The following DNAAF9 variants were observed in gnomAD, a reference collection of about 807,000 sequenced individuals.
DNAAF9 encodes dynein axonemal assembly factor 9, also known as shulin.
A neutral mutation model predicts 167.0 loss-of-function variants in DNAAF9; 90 were observed. That is an observed-to-expected ratio of 0.54 (90% CI 0.45 to 0.64). DNAAF9 has a LOEUF of 0.64. Among genes scored for constraint, DNAAF9 ranks in the 30% least tolerant of loss-of-function variants. The pLI is 0.00. For missense variants in DNAAF9, 1,315 were observed against 1,442.2 expected, an observed-to-expected ratio of 0.91 and a Z score of 1.43; for synonymous variants, 491 against 508.8, an observed-to-expected ratio of 0.96 and a Z score of 0.47.
intron 2 of DNAAF9, 93 bp from the exon 3 acceptor site, chr20:3,381,591 C>T: frequency 9.6e-6 from 13 of 1,354,570 alleles, no homozygotes; most frequent in Non-Finnish European, 1.1e-5. Flanking sequence ...CCCTGATGAT[C>T]AAGCTGAAGG....
intron 10 of DNAAF9, among the ~76,000 whole-genome samples, chr20:3,335,957 T>C (rs922447592): frequency 6.6e-6 from 1 of 151,706 alleles, no homozygotes; most frequent in African/African-American, 2.4e-5. Context: ...ACCCTGTCTC[T>C]ACTAAAAATA....
At chr20:3,291,206 TTC>T in intron 25 of DNAAF9, among the ~76,000 whole-genome samples, 1 of 152,170 alleles carries the variant, frequency 6.6e-6, no homozygotes, top group Non-Finnish European at 1.5e-5. Flanking sequence ...TAGGTCCCCT[TTC>T]AGGTAGATAT....
At chr20:3,398,509 TA>T (rs200073051) in intron 1 of DNAAF9, among the ~76,000 whole-genome samples, 8 of 149,272 alleles carry the variant, frequency 5.4e-5, no homozygotes, top group East Asian at 2.0e-4. Context: ...TGAAAAGCAT[TA>T]AAAAAAAAAT....
chr20:3,341,465 C>T (rs1291984327), intron 9 of DNAAF9, among the ~76,000 whole-genome samples: 1 of 152,176 alleles, frequency 6.6e-6, no homozygotes, highest in Non-Finnish European at 1.5e-5. Flanking sequence ...TTGCTGCTCC[C>T]TCCTCTCCTC....
At position 3,266,914 on chromosome 20, in the gene DNAAF9, G is replaced by A. The variant is rs145343073; in HGVS notation, c.2787-2390C>T. Among the ~76,000 whole-genome samples the A allele has an allele frequency of 9.1e-3, 1,343 of 148,066 alleles. 19 individuals carry two copies. The highest frequency in any genetic ancestry group is 0.032 in the African/African-American group (1,289 of 39,900). On this transcript the variant is annotated intron_variant, in intron 30 of 36. Transcript: ENST00000252032. ...GTTGCCTAGGCTAGAGTGCAATGGC[G>A]CAATCTCGGCTCACTGCAAGCTCCG...
At chr20:3,280,565 C>T (rs1311544761) in intron 28 of DNAAF9, among the ~76,000 whole-genome samples, 1 of 135,408 alleles carries the variant, frequency 7.4e-6, no homozygotes, top group Non-Finnish European at 1.6e-5. Context: ...AACTCCATCT[C>T]AAAGAAAAAA....
chr20:3,377,344 T>A (rs539593298), intron 3 of DNAAF9, among the ~76,000 whole-genome samples: 2 of 152,314 alleles, frequency 1.3e-5, no homozygotes, highest in African/African-American at 4.8e-5. Context: ...CATTTAAAAA[T>A]ATGTCAAAGG....
intron 10 of DNAAF9, among the ~76,000 whole-genome samples, chr20:3,335,960 T>C (rs2092040683): frequency 6.6e-6 from 1 of 151,610 alleles, no homozygotes; most frequent in African/African-American, 2.4e-5. Flanking sequence ...CTGTCTCTAC[T>C]AAAAATACAA....
At chr20:3,407,385 G>A (rs1234695223) in intron 1 of DNAAF9, 90 bp downstream of exon 1, 8 of 1,079,742 alleles carry the variant, frequency 7.4e-6, no homozygotes, top group Non-Finnish European at 9.5e-6. Flanking sequence ...AAGCCATGTC[G>A]GACCACGCCC....
chr20:3,329,934 C>T (rs2069790534), intron 12 of DNAAF9, among the ~76,000 whole-genome samples: 1 of 152,172 alleles, frequency 6.6e-6, no homozygotes, highest in Admixed American at 6.5e-5. Flanking sequence ...CACACCCTCT[C>T]ACTATGTTCC....
rs373949409 is a variant in DNAAF9 at position 3,265,339 on chromosome 20, C to T, written c.2787-815G>A. Among the ~76,000 whole-genome samples the T allele has an allele frequency of 5.3e-5, 8 of 151,712 alleles. No homozygotes were observed. In the South Asian group the frequency reaches 6.2e-4, roughly 12 times the overall value. On this transcript the variant is annotated intron_variant, in intron 30 of 36. Coordinates refer to ENST00000252032, the MANE Select transcript of DNAAF9 (RefSeq NM_001009984.3). ...CAGCACTTTGGGAGGCCGAGGCAGGCGGATCACCTGGGGTCAGGAGTTCAA... is the reference window on the plus strand; with the variant it reads ...CAGCACTTTGGGAGGCCGAGGCAGGTGGATCACCTGGGGTCAGGAGTTCAA...
rs1475136192 is a variant in DNAAF9, at chr20:3,395,206, C to T, written c.83+12269G>A. Among the ~76,000 whole-genome samples the T allele has an allele frequency of 2.8e-5, 4 of 140,794 alleles. 1 individual carries two copies. The highest frequency in any genetic ancestry group is 1.4e-4 in the Admixed American group (2 of 14,768). 92.4% of individuals were successfully genotyped at this position (140,794 alleles called of 152,430 possible). A position where few individuals can be genotyped will look rare whatever the true frequency, so the allele number is the denominator to read the frequency against. On this transcript the variant is annotated intron_variant, in intron 1 of 36. Coordinates refer to ENST00000252032, the MANE Select transcript of DNAAF9 (RefSeq NM_001009984.3). ...CAGGATGGTCTCGATCTCCTGACCT[C>T]GTGATCCGCCCGTCTCGGCCTCCCA...
intron 7 of DNAAF9, among the ~76,000 whole-genome samples, chr20:3,356,412 TC>T (rs1382612397): frequency 6.6e-6 from 1 of 152,182 alleles, no homozygotes; most frequent in Non-Finnish European, 1.5e-5. Flanking sequence ...CGAAATGTGT[TC>T]CTGGTAATTT....
rs1236708156 is a variant in DNAAF9, at chr20:3,315,199, C to A, written c.1591-79G>T. The A allele has an allele frequency of 3.3e-6, 3 of 903,842 alleles. No individual in the cohort carries two copies. The South Asian group carries it at 4.0e-5, about 12-fold the overall frequency. 56.0% of individuals were successfully genotyped at this position (903,842 alleles called of 1,614,324 possible). On this transcript the variant is annotated intron_variant, in intron 19 of 36. Coordinates refer to ENST00000252032, the MANE Select transcript of DNAAF9 (RefSeq NM_001009984.3). This position sits in a 1 kb window ranked among gnomAD's most constrained non-coding sequence, Gnocchi z 4.1. ...CATAAATATTCACAGAATCAAAAGT[C>A]CTGCCCAATTATGTCCGTCTACAAA... is the stretch of plus-strand genomic sequence containing the variant.
intron 28 of DNAAF9, among the ~76,000 whole-genome samples, chr20:3,279,712 TC>T (rs2068734186): frequency 6.6e-6 from 1 of 152,160 alleles, no homozygotes; most frequent in African/African-American, 2.4e-5. Flanking sequence ...GCCTCAGGTA[TC>T]TAACAGATGA....
intron 20 of DNAAF9, among the ~76,000 whole-genome samples, chr20:3,313,234 A>T (rs1218437926): frequency 6.6e-6 from 1 of 152,214 alleles, no homozygotes; most frequent in African/African-American, 2.4e-5. Context: ...CCTTCAGCAA[A>T]TGTTCTTAAC....
chr20:3,397,738 C>T (rs1388619178), intron 1 of DNAAF9, among the ~76,000 whole-genome samples: 1 of 151,838 alleles, frequency 6.6e-6, no homozygotes, highest in African/African-American at 2.4e-5. Flanking sequence ...GGAACATCTA[C>T]CAGTCTATTA....
intron 27 of DNAAF9, among the ~76,000 whole-genome samples, chr20:3,285,000 T>G (rs1027925661): frequency 8.5e-5 from 13 of 152,146 alleles, no homozygotes; most frequent in Non-Finnish European, 1.8e-4. Flanking sequence ...TTTATAAACA[T>G]GCCCACCTCC....
intron 14 of DNAAF9, among the ~76,000 whole-genome samples, chr20:3,323,367 C>T (rs541341838): frequency 2.3e-4 from 35 of 149,648 alleles, no homozygotes; most frequent in Non-Finnish European, 4.0e-4. Context: ...CTGCAACCTC[C>T]ACCTCCTGGG....
Sources: allele counts gnomAD v4.1 joint callset (sites outside exome capture counted in the v4.1 genomes callset), GRCh38; gene constraint gnomAD v4.1.1; non-coding constraint Gnocchi (gnomAD v3.1); transcripts MANE v1.5; gene names NCBI Gene and HGNC (gene_info 2026-07-23, HGNC 2026-07-21).